Variants in TPR observed in about 807,000 individuals in gnomAD.
TPR encodes nucleoprotein TPR.
In TPR, 51 loss-of-function variants were observed where a neutral mutation model predicts 316.1. The observed-to-expected ratio is 0.16, with a 90% CI of 0.13 to 0.20. TPR has a LOEUF of 0.20. Ranked by LOEUF, TPR falls within the 10% of genes least tolerant of loss-of-function variation. The pLI, the probability that TPR is intolerant of heterozygous loss-of-function variation, is 1.00. For synonymous variants in TPR, 981 were observed against 914.7 expected (o/e 1.07, Z -1.31); for missense variants, 2,272 against 2,754.8 (o/e 0.82, Z 3.92).
chr1:186,324,829 G>T (rs1429749889), intron 42 of TPR, among the ~76,000 whole-genome samples: 1 of 148,122 alleles, frequency 6.8e-6, no homozygotes, highest in Non-Finnish European at 1.5e-5. Flanking sequence ...GGAAGGGAGG[G>T]AGGGAGGGAG....
chr1:186,332,340 G>A lies in TPR; in HGVS notation c.5459C>T (p.Ser1820Leu), dbSNP rs533241956. 13 of 1,611,160 alleles carry A rather than the reference G, an allele frequency of 8.1e-6. No individual in the cohort carries two copies. The highest frequency in any genetic ancestry group is 4.4e-5 in the South Asian group (4 of 90,286). The change falls in exon 38 of 51, where the codon TCG becomes TTG. Residue 1820 changes from serine (S) to leucine (L), a missense_variant. By Grantham distance (145) the Ser-to-Leu change is moderately radical (BLOSUM62 -2). This residue lies in a region of TPR where 435 missense variants were observed against 461.1 expected (regional missense o/e 0.94). Coordinates refer to ENST00000367478, the MANE Select transcript of TPR (RefSeq NM_003292.3). The stretch of plus-strand genomic sequence containing the variant: ...TGGCAAAGAAGAACTGGGGGTAGCC[G>A]AAACTTTGAAATTATATAAATCTTG... ...STSTAVFGTV[S>L]ATPSSSLPKR... is the part of the protein sequence containing the mutation.
At chr1:186,351,793 A>C (rs981082118) in intron 19 of TPR, among the ~76,000 whole-genome samples, 183 bp downstream of exon 19, 2 of 152,256 alleles carry the variant, frequency 1.3e-5, no homozygotes, top group African/African-American at 4.8e-5. Context: ...TATGGTTTCA[A>C]TCAATTCTCT....
intron 7 of TPR, 30 bp downstream of exon 7, chr1:186,362,258 T>C (rs757356293): frequency 1.3e-6 from 2 of 1,562,130 alleles, no homozygotes; most frequent in Non-Finnish European, 1.8e-6. Context: ...TAGTATTTTG[T>C]AAAAAAGACA....
At chr1:186,335,154 T>C (rs1268511288) in intron 34 of TPR, 25 bp from the exon 35 acceptor site, 4 of 1,601,998 alleles carry the variant, frequency 2.5e-6, no homozygotes, top group Non-Finnish European at 3.4e-6. Flanking sequence ...CTCTTGATTG[T>C]TGTTCCTAGC....
Position 186,367,882 on chromosome 1 carries a change from A to T in TPR, c.427+4T>A. The T allele has an allele frequency of 1.9e-6, 3 of 1,599,186 alleles. No homozygotes were observed. The highest frequency in any genetic ancestry group is 8.6e-7 in the Non-Finnish European group (1 of 1,169,072). On this transcript the variant is annotated splice_donor_region_variant and intron_variant, in intron 4 of 50. Coordinates refer to ENST00000367478, the MANE Select transcript of TPR (RefSeq NM_003292.3). ...AGCTAAAAGCTACAAGCACTTCTTC[A>T]TACCTGTTAAGTATTCAAGTTCTTG...
intron 40 of TPR, among the ~76,000 whole-genome samples, chr1:186,326,887 T>A (rs2102057482): frequency 7.0e-6 from 1 of 142,894 alleles, no homozygotes; most frequent in East Asian, 2.0e-4. Flanking sequence ...AACAAAATTT[T>A]AAAAATGGGC....
Position 186,333,363 on chromosome 1 carries a change from A to C in TPR, c.5214T>G (p.Val1738=). The change falls in exon 37 of 51, where the codon GTT becomes GTG. Residue 1738 remains valine (V), a synonymous_variant. Coordinates refer to ENST00000367478, the MANE Select transcript of TPR (RefSeq NM_003292.3). The part of the protein sequence containing the change: ...AMQSEGPVEH[V]PVFGSTSGSV... ...ATCCACTTGTGCTTCCAAAAACTGG[A>C]ACATGTTCCACAGGCCCTTCTGACT... 6.2e-7 allele frequency: 1 copy of C among 1,613,520 alleles called. No homozygotes were observed. Among genetic ancestry groups the C allele is most frequent in the Non-Finnish European group, 8.5e-7 (1 of 1,179,608 alleles).
intron 36 of TPR, 63 bp downstream of exon 36, chr1:186,334,262 C>A: frequency 7.0e-7 from 1 of 1,430,148 alleles, no homozygotes; most frequent in Non-Finnish European, 9.5e-7. Flanking sequence ...TTTGAAATTA[C>A]TGTCATCTTC....
At chr1:186,355,077 G>C (rs1445326119) in intron 17 of TPR, among the ~76,000 whole-genome samples, 1 of 151,894 alleles carries the variant, frequency 6.6e-6, no homozygotes, top group Non-Finnish European at 1.5e-5. Context: ...GCTAATTTTT[G>C]TATTTTTAGT....
Position 186,347,374 on chromosome 1 carries a change from C to G in TPR, c.2861G>C (p.Arg954Thr). Reference sequence around the variant, plus strand: ...CACATTGCTCGTACTTGTTTTGAGTCTCTCCTTTAAGTCATTCACCTGCTC... The same window carrying G: ...CACATTGCTCGTACTTGTTTTGAGTGTCTCCTTTAAGTCATTCACCTGCTC... ...TEEQVNDLKE[R>T]LKTSTSNVEQ... Residue 954 changes from arginine to threonine, a missense_variant, in exon 22 of 51, where the codon AGA (arginine) becomes ACA (threonine). Arg to Thr is a moderately conservative substitution (Grantham distance 71). Transcript: ENST00000367478. The G allele has an allele frequency of 6.2e-7, 1 of 1,614,022 alleles. No homozygotes were observed. The highest frequency in any genetic ancestry group is 8.5e-7 in the Non-Finnish European group (1 of 1,179,982).
chr1:186,373,775 TAATA>T (rs1363612193), intron 1 of TPR, among the ~76,000 whole-genome samples: 1 of 152,202 alleles, frequency 6.6e-6, no homozygotes, highest in Non-Finnish European at 1.5e-5. Context: ...GTAAACTGCT[TAATA>T]AATAAAGTAT....
chr1:186,359,769 C>A, intron 12 of TPR, 30 bp downstream of exon 12: 1 of 1,565,452 alleles, frequency 6.4e-7, no homozygotes, highest in Non-Finnish European at 8.6e-7. Flanking sequence ...TGTATTGTTA[C>A]CACGGCTAAA....
intron 27 of TPR, chr1:186,342,711 G>C (rs1490823810): frequency 4.6e-5 from 7 of 152,154 alleles, no homozygotes; most frequent in Non-Finnish European, 1.0e-4. Flanking sequence ...CTAGAGGTGG[G>C]GGTATATTAC....
At position 186,344,387 on chromosome 1, in the gene TPR, C is replaced by G. The variant is rs1269277565; in HGVS notation, c.3405G>C (p.Glu1135Asp). Residue 1135 changes from glutamate to aspartate, a missense_variant, in exon 25 of 51, where the codon GAG becomes GAC. Physicochemically the swap from Glu to Asp is conservative, Grantham distance 45. Around this residue, in one of 10 missense-constraint regions of TPR, gnomAD observed 757 missense variants for 859.8 expected, o/e 0.88. Transcript: ENST00000367478. ...LECKASWEER[E>D]RMLKDEVSKC... ...TTTACAATAATACCTTTAACATTCT[C>G]TCTCTTTCCTCCCAAGATGCTTTAC... 6.2e-7 allele frequency: 1 copy of G among 1,613,568 alleles called. No individual in the cohort carries two copies. Among genetic ancestry groups the G allele is most frequent in the African/African-American group, 1.3e-5 (1 of 74,926 alleles).
Position 186,361,883 on chromosome 1 carries a change from C to T in TPR, c.790-14G>A, listed in dbSNP as rs768430933. 5.0e-6 allele frequency: 8 copies of T among 1,610,612 alleles called. No individual in the cohort carries two copies. In the South Asian group the frequency reaches 8.8e-5, roughly 18 times the overall value. On this transcript the variant is annotated splice_polypyrimidine_tract_variant and intron_variant, in intron 7 of 50. Coordinates refer to ENST00000367478, the MANE Select transcript of TPR (RefSeq NM_003292.3). ...TTGTTCCTTGGCCTGAAAAAAATAGCCCAATTATAGCAGTCTACTTTGAAC... is the reference window on the plus strand; with the variant it reads ...TTGTTCCTTGGCCTGAAAAAAATAGTCCAATTATAGCAGTCTACTTTGAAC...
chr1:186,356,530 C>G, intron 14 of TPR, 81 bp from the exon 15 acceptor site: 2 of 1,309,216 alleles, frequency 1.5e-6, no homozygotes, highest in Non-Finnish European at 2.1e-6. Flanking sequence ...AACCAAGCAT[C>G]TTTGCCTACC....
chr1:186,357,273 C>G, intron 14 of TPR, 124 bp downstream of exon 14: 1 of 904,386 alleles, frequency 1.1e-6, no homozygotes, highest in Non-Finnish European at 1.7e-6. Flanking sequence ...GTCTCGACCT[C>G]CTGGGCTCAA....
At chr1:186,369,511 T>C (rs1659455413) in intron 3 of TPR, among the ~76,000 whole-genome samples, 1 of 152,148 alleles carries the variant, frequency 6.6e-6, no homozygotes, top group African/African-American at 2.4e-5. Flanking sequence ...GGTACTCTAA[T>C]GAAATCTTTT....
chr1:186,325,138 A>C (rs373188245), intron 42 of TPR, among the ~76,000 whole-genome samples: 9 of 152,272 alleles, frequency 5.9e-5, no homozygotes, highest in African/African-American at 1.9e-4. Context: ...CCATTAGTCT[A>C]AACAGCTAAG....
Sources: allele counts gnomAD v4.1 joint callset (sites outside exome capture counted in the v4.1 genomes callset), GRCh38; gene constraint gnomAD v4.1.1; regional missense constraint gnomAD v4.1.1; transcripts MANE v1.5; gene names NCBI Gene and HGNC (gene_info 2026-07-23, HGNC 2026-07-21).